RGS6: variants seen among roughly 807,000 people sequenced by gnomAD.
The protein encoded by RGS6 is regulator of G protein signaling 6, also known as regulator of G-protein signaling 6.
RGS6 carries 30 observed loss-of-function variants against 78.5 expected under a neutral mutation model. The observed-to-expected ratio is 0.38, with a 90% confidence interval of 0.29 to 0.52. The LOEUF (loss-of-function observed/expected upper bound fraction) is 0.52, where lower values mean the gene tolerates loss of function less well. Ranked by LOEUF, RGS6 falls within the 20% of genes least tolerant of loss-of-function variation. The pLI is 0.85. For missense variants in RGS6, 495 were observed against 609.7 expected (o/e 0.81, Z 1.98); for synonymous variants, 206 against 206.0 (o/e 1.00, Z 0.00).
intron 2 of RGS6, among the ~76,000 whole-genome samples, chr14:71,986,913 T>A (rs1289619087): frequency 1.3e-5 from 2 of 152,022 alleles, no homozygotes; most frequent in Admixed American, 1.3e-4. Context: ...TGGCATCATA[T>A]CTCCTTCTCC....
intron 2 of RGS6, among the ~76,000 whole-genome samples, chr14:72,163,518 T>G (rs573925509): frequency 7.7e-4 from 117 of 152,268 alleles, no homozygotes; most frequent in African/African-American, 2.6e-3. Flanking sequence ...AATGCATAAA[T>G]AGCAACACTT....
intron 1 of RGS6, among the ~76,000 whole-genome samples, chr14:71,945,881 C>G (rs1174433496): frequency 6.6e-6 from 1 of 151,984 alleles, no homozygotes; most frequent in African/African-American, 2.4e-5. Context: ...AGAGAAACAC[C>G]TTTTGAGCTG....
the RGS6 span, among the ~76,000 whole-genome samples, chr14:71,915,757 C>T: frequency 0.057 from 8,675 of 152,266 alleles, 367 homozygotes; most frequent in Non-Finnish European, 0.085. Context: ...GAAGCTTGAA[C>T]CCCTAGTACC....
chr14:71,981,042 A>G (rs1485412699), intron 2 of RGS6, among the ~76,000 whole-genome samples: 1 of 147,046 alleles, frequency 6.8e-6, no homozygotes, highest in Non-Finnish European at 1.5e-5. Context: ...CCTTTCTTCC[A>G]GTTGATCGCA....
At chr14:71,878,338 G>C in the RGS6 span, among the ~76,000 whole-genome samples, 346 of 152,298 alleles carry the variant, frequency 2.3e-3, 2 homozygotes, top group African/African-American at 8.1e-3. Flanking sequence ...CCCAGTTCAA[G>C]CTTCCTGGCC....
At chr14:72,211,982 G>T (rs1194502587) in intron 2 of RGS6, among the ~76,000 whole-genome samples, 1 of 152,182 alleles carries the variant, frequency 6.6e-6, no homozygotes, top group South Asian at 2.1e-4. Flanking sequence ...AGGTGATGTA[G>T]TCAGGAAGTT....
rs190529534 is a variant in RGS6, at chr14:72,487,934, C to A, written c.855-7218C>A. ...GTTCATCCTCTTTGTCTTTAATATA[C>A]CAGCATCTCCGAGCACCCCGCTGAC... is the stretch of plus-strand genomic sequence containing the variant. On this transcript the variant is annotated intron_variant, in intron 12 of 17. Coordinates refer to ENST00000553525, the MANE Select transcript of RGS6 (RefSeq NM_001204424.2). 2.3e-3 allele frequency among the ~76,000 whole-genome samples: 344 copies of A among 152,276 alleles called. 1 individual carries two copies. Among genetic ancestry groups the A allele is most frequent in the Non-Finnish European group, 4.0e-3 (269 of 68,018 alleles).
chr14:72,346,257 A>G (rs1231593544), intron 2 of RGS6, among the ~76,000 whole-genome samples: 1 of 152,220 alleles, frequency 6.6e-6, no homozygotes, highest in Non-Finnish European at 1.5e-5. Context: ...GAAAAATTGA[A>G]GGAGCTAAGT....
intron 17 of RGS6, among the ~76,000 whole-genome samples, chr14:72,555,139 G>T (rs536670836): frequency 6.6e-6 from 1 of 152,148 alleles, no homozygotes; most frequent in Non-Finnish European, 1.5e-5. Flanking sequence ...TTAGAGTAAG[G>T]CCACCCTGCC....
downstream of RGS6, among the ~76,000 whole-genome samples, chr14:72,570,408 G>A (rs2097718947): frequency 6.6e-6 from 1 of 152,188 alleles, no homozygotes; most frequent in African/African-American, 2.4e-5. Flanking sequence ...GGAAGTAATG[G>A]TACTTATCAG....
chr14:72,174,030 T>C (rs1464738177), intron 2 of RGS6, among the ~76,000 whole-genome samples: 2 of 152,096 alleles, frequency 1.3e-5, no homozygotes, highest in African/African-American at 4.8e-5. Flanking sequence ...GGCAAGAAGC[T>C]GTATGGTGGC....
At chr14:72,318,544 G>A (rs2070964493) in intron 2 of RGS6, among the ~76,000 whole-genome samples, 2 of 152,168 alleles carry the variant, frequency 1.3e-5, no homozygotes, top group African/African-American at 4.8e-5. Flanking sequence ...AAAAAGCTGG[G>A]AGATTCTATA....
intron 2 of RGS6, among the ~76,000 whole-genome samples, chr14:71,981,054 C>T (rs1005600478): frequency 7.4e-5 from 11 of 148,558 alleles, no homozygotes; most frequent in South Asian, 4.6e-4. Flanking sequence ...TTGATCGCAT[C>T]GGCTCCTGAG....
At chr14:72,104,369 T>C (rs540086068) in intron 2 of RGS6, among the ~76,000 whole-genome samples, 4 of 152,360 alleles carry the variant, frequency 2.6e-5, no homozygotes, top group African/African-American at 9.6e-5. Flanking sequence ...TGAATTTAGT[T>C]GTTGTTTTAT....
At chr14:71,950,006 T>G (rs1216227414) in intron 1 of RGS6, among the ~76,000 whole-genome samples, 1 of 152,194 alleles carries the variant, frequency 6.6e-6, no homozygotes, top group Non-Finnish European at 1.5e-5. Flanking sequence ...TGTTTTCTAG[T>G]CCATTCCATT....
chr14:72,402,142 G>T (rs542884310), intron 3 of RGS6, among the ~76,000 whole-genome samples: 2 of 152,266 alleles, frequency 1.3e-5, no homozygotes, highest in Admixed American at 1.3e-4. Flanking sequence ...GCCTCCCCTT[G>T]GCTGAACCCA....
chr14:72,442,777 A>G (rs1050752568), intron 3 of RGS6, among the ~76,000 whole-genome samples: 2 of 152,176 alleles, frequency 1.3e-5, no homozygotes, highest in Non-Finnish European at 2.9e-5. Context: ...CTGGATTCAT[A>G]CCCAAGCCGT....
At chr14:72,298,450 TTTTTTC>T (rs2065313298) in intron 2 of RGS6, among the ~76,000 whole-genome samples, 6 of 74,602 alleles carry the variant, frequency 8.0e-5, no homozygotes, top group African/African-American at 5.4e-4. Context: ...TTTTTTTTTT[TTTTTTC>T]CCCCCCTCTG....
At chr14:72,079,992 A>G (rs961380485) in intron 2 of RGS6, among the ~76,000 whole-genome samples, 2 of 152,164 alleles carry the variant, frequency 1.3e-5, no homozygotes, top group Admixed American at 6.5e-5. Context: ...TGCTACAATG[A>G]ACACGGGAGT....
Sources: allele counts gnomAD v4.1 joint callset (sites outside exome capture counted in the v4.1 genomes callset), GRCh38; gene constraint gnomAD v4.1.1; transcripts MANE v1.5; gene names NCBI Gene and HGNC (gene_info 2026-07-23, HGNC 2026-07-21).